The following VPS39 variants were observed in gnomAD, a reference collection of about 807,000 sequenced individuals.
The protein encoded by VPS39 is VPS39 subunit of HOPS complex.
VPS39 carries 70 observed loss-of-function variants against 121.0 expected under a neutral mutation model. The observed-to-expected ratio is 0.58, with a 90% CI of 0.48 to 0.71. VPS39 has a LOEUF of 0.71. VPS39 is among the 30% of genes least tolerant of loss of function. The pLI, the probability that VPS39 is intolerant of heterozygous loss-of-function variation, is 0.00. For synonymous variants in VPS39, 378 were observed against 398.1 expected, an observed-to-expected ratio of 0.95 and a Z score of 0.60; for missense variants, 818 against 1,051.5, an observed-to-expected ratio of 0.78 and a Z score of 3.07.
At chr15:42,193,413 T>C (rs1325109426) in intron 2 of VPS39, among the ~76,000 whole-genome samples, 1 of 152,238 alleles carries the variant, frequency 6.6e-6, no homozygotes, top group African/African-American at 2.4e-5. Context: ...TAATAGATTT[T>C]TCAGATTCTT....
intron 21 of VPS39, 53 bp from the exon 22 acceptor site, chr15:42,162,534 C>G (rs2049152371): frequency 6.5e-7 from 1 of 1,542,720 alleles, no homozygotes; most frequent in Non-Finnish European, 8.8e-7. Flanking sequence ...CTCCCAGAAC[C>G]CCCAGCACTG....
chr15:42,194,337 G>T (rs940792383), intron 2 of VPS39, among the ~76,000 whole-genome samples: 4 of 152,046 alleles, frequency 2.6e-5, no homozygotes, highest in African/African-American at 7.2e-5. Flanking sequence ...AGCCAGGCAT[G>T]GTGGTGGGCG....
At chr15:42,177,817 C>A (rs1413702127) in intron 10 of VPS39, among the ~76,000 whole-genome samples, 1 of 152,142 alleles carries the variant, frequency 6.6e-6, no homozygotes, top group Non-Finnish European at 1.5e-5. Context: ...CAGGTTCCTG[C>A]CACCATGCCC....
At chr15:42,194,915 C>T (rs538451380) in intron 2 of VPS39, among the ~76,000 whole-genome samples, 1 of 148,794 alleles carries the variant, frequency 6.7e-6, no homozygotes, top group Admixed American at 6.7e-5. Flanking sequence ...TTTGCACCAT[C>T]ATTGTAAATG....
chr15:42,198,331 G>A (rs894160863), intron 2 of VPS39, among the ~76,000 whole-genome samples: 26 of 152,120 alleles, frequency 1.7e-4, no homozygotes, highest in African/African-American at 6.0e-4. Flanking sequence ...ATCACAGAAC[G>A]CAAATATTTT....
rs118023160 is a variant in VPS39 at position 42,163,242 on chromosome 15, C to T, written c.2175+108G>A. 143 of 1,331,068 alleles carry T rather than the reference C, an allele frequency of 1.1e-4. 1 individual carries two copies. In the East Asian group the frequency reaches 3.1e-3, roughly 29 times the overall value. The allele number at this position is 1,331,068 out of a possible 1,614,324, so 82.5% of individuals were successfully genotyped here. A position where few individuals can be genotyped will look rare whatever the true frequency, so the allele number is the denominator to read the frequency against. ...ACACACATGCAAGATCAATCAGAGC[C>T]CTGACTCGTGCCCTGTCTTATTCTG... On this transcript the variant is annotated intron_variant, in intron 21 of 24. Transcript: ENST00000318006.
At chr15:42,167,047 C>T in intron 13 of VPS39, 134 bp from the exon 14 acceptor site, 1 of 1,300,922 alleles carries the variant, frequency 7.7e-7, no homozygotes, top group Non-Finnish European at 1.1e-6. Context: ...TCTTTCAGGA[C>T]AGCAGGTAGA....
chr15:42,178,434 A>G lies in VPS39; in HGVS notation c.839+16T>C. On this transcript the variant is annotated intron_variant, in intron 9 of 24. Coordinates refer to ENST00000318006, the MANE Select transcript of VPS39 (RefSeq NM_015289.5). Reference sequence around the variant, plus strand: ...TGGGATAATATACAGCCATAGCAAAAAAAGAAATTCCTTACCCTCCTGAGG... The same window carrying G: ...TGGGATAATATACAGCCATAGCAAAGAAAGAAATTCCTTACCCTCCTGAGG... 6.2e-7 allele frequency: 1 copy of G among 1,614,180 alleles called. No homozygotes were observed. Among genetic ancestry groups the G allele is most frequent in the Non-Finnish European group, 8.5e-7 (1 of 1,180,030 alleles).
intron 1 of VPS39, 53 bp downstream of exon 1, chr15:42,208,028 T>G (rs1001820401): frequency 2.6e-6 from 4 of 1,544,998 alleles, no homozygotes; most frequent in Admixed American, 2.0e-5. Context: ...TCAGAAAAGA[T>G]CCGGACCGCT....
chr15:42,187,141 A>G (rs1197021146), intron 7 of VPS39, 130 bp downstream of exon 7: 4 of 646,598 alleles, frequency 6.2e-6, no homozygotes, highest in Non-Finnish European at 1.0e-5. Flanking sequence ...AATGATAACT[A>G]CACATACAAA....
At chr15:42,188,785 A>C (rs1025357148) in intron 5 of VPS39, among the ~76,000 whole-genome samples, 1 of 152,130 alleles carries the variant, frequency 6.6e-6, no homozygotes, top group African/African-American at 2.4e-5. Flanking sequence ...AACATGGTGA[A>C]ACCCCATCTC....
At chr15:42,205,717 T>C (rs2050155735) in intron 1 of VPS39, among the ~76,000 whole-genome samples, 1 of 152,150 alleles carries the variant, frequency 6.6e-6, no homozygotes, top group African/African-American at 2.4e-5. Flanking sequence ...CTCTACCTGG[T>C]AGACAAAAAA....
At chr15:42,198,003 A>G (rs2049980099) in intron 2 of VPS39, among the ~76,000 whole-genome samples, 1 of 152,200 alleles carries the variant, frequency 6.6e-6, no homozygotes, top group African/African-American at 2.4e-5. Context: ...CTAATTGTCT[A>G]TATTTAATCT....
chr15:42,207,858 C>G (rs116396394), intron 1 of VPS39, among the ~76,000 whole-genome samples: 2,168 of 152,344 alleles, frequency 0.014, 48 homozygotes, highest in African/African-American at 0.05. Flanking sequence ...GCAAGGGGAA[C>G]TCCCCTAAAT....
chr15:42,191,738 C>T (rs1051448960), intron 2 of VPS39, among the ~76,000 whole-genome samples, 178 bp from the exon 3 acceptor site: 2 of 152,188 alleles, frequency 1.3e-5, no homozygotes, highest in African/African-American at 2.4e-5. Flanking sequence ...ATGCTTTCAA[C>T]TCTAATTTTA....
rs1447671569 is a variant in VPS39 at position 42,187,351 on chromosome 15, C to T, written c.454G>A (p.Val152Met). 1.2e-6 allele frequency: 2 copies of T among 1,607,392 alleles called. No homozygotes were observed. Among genetic ancestry groups the T allele is most frequent in the African/African-American group, 2.7e-5 (2 of 74,400 alleles). Residue 152 changes from valine to methionine, a missense_variant, in exon 7 of 25, where the codon GTG (valine) becomes ATG (methionine). Val to Met is a conservative substitution (Grantham distance 21, BLOSUM62 1). Coordinates refer to ENST00000318006, the MANE Select transcript of VPS39 (RefSeq NM_015289.5). ...EFHELQGDFSVPDVPKSMAWC... is the reference protein window; with the variant it reads ...EFHELQGDFSMPDVPKSMAWC... ...GCCATGGACTTGGGCACATCTGGCACACTAAAGTCCCCCTGAAAAAAGAGA... is the reference window on the plus strand; with the variant it reads ...GCCATGGACTTGGGCACATCTGGCATACTAAAGTCCCCCTGAAAAAAGAGA...
chr15:42,199,625 C>A (rs987436756), intron 2 of VPS39: 5 of 481,192 alleles, frequency 1.0e-5, no homozygotes, highest in Admixed American at 1.0e-4. Flanking sequence ...AGGAAAACAA[C>A]CACCTCCTCT....
chr15:42,173,430 T>C (rs1026721885), intron 11 of VPS39, among the ~76,000 whole-genome samples: 6 of 152,250 alleles, frequency 3.9e-5, no homozygotes, highest in African/African-American at 1.4e-4. Flanking sequence ...CACTAGCTGA[T>C]CAAATACCCA....
intron 6 of VPS39, 126 bp downstream of exon 6, chr15:42,187,632 T>C: frequency 2.3e-6 from 2 of 853,606 alleles, no homozygotes; most frequent in Non-Finnish European, 3.9e-6. Context: ...ATCAACAAGC[T>C]CTCATGCACT....
Sources: allele counts gnomAD v4.1 joint callset (sites outside exome capture counted in the v4.1 genomes callset), GRCh38; gene constraint gnomAD v4.1.1; transcripts MANE v1.5; gene names NCBI Gene and HGNC (gene_info 2026-07-23, HGNC 2026-07-21).